The following SLC25A21 variants were observed in gnomAD, a reference collection of about 807,000 sequenced individuals.
The protein encoded by SLC25A21 is mitochondrial 2-oxodicarboxylate carrier.
In SLC25A21, 47 loss-of-function variants were observed where a neutral mutation model predicts 43.8. The observed-to-expected ratio is 1.07, with a 90% CI of 0.85 to 1.37. SLC25A21 has a LOEUF of 1.37. Ranked by LOEUF, SLC25A21 falls within the 40% of genes most tolerant of loss-of-function variation. The probability of loss-of-function intolerance (pLI) is 0.00; values close to 1 mark genes in which losing one functional copy is unlikely to be tolerated. For missense variants in SLC25A21, 352 were observed against 350.2 expected (o/e 1.00, Z -0.04); for synonymous variants, 131 against 121.3 (o/e 1.08, Z -0.52).
At chr14:37,136,775 T>C (rs1295904984) in intron 1 of SLC25A21, among the ~76,000 whole-genome samples, 1 of 152,120 alleles carries the variant, frequency 6.6e-6, no homozygotes, top group Non-Finnish European at 1.5e-5. Context: ...ACCATAAATG[T>C]ATATTGCTTG....
chr14:36,779,627 T>TATATATGTATACATACACAC (rs1886977015), intron 3 of SLC25A21, among the ~76,000 whole-genome samples: 1 of 143,036 alleles, frequency 7.0e-6, no homozygotes, highest in Non-Finnish European at 1.5e-5. Context: ...TATATATATA[T>TATATATGTATACATACACAC]ATATATATAT....
intron 1 of SLC25A21, among the ~76,000 whole-genome samples, chr14:37,066,220 T>C (rs867661207): frequency 5.9e-5 from 9 of 152,220 alleles, no homozygotes; most frequent in Middle Eastern, 3.4e-3. Context: ...AATCTAATCA[T>C]AAGGGAACAT....
intron 7 of SLC25A21, among the ~76,000 whole-genome samples, chr14:36,690,161 T>G (rs577162917): frequency 3.3e-5 from 5 of 152,330 alleles, no homozygotes; most frequent in Admixed American, 1.3e-4. Flanking sequence ...GCATTTCTGC[T>G]GATAACCATA....
At position 36,719,903 on chromosome 14, in the gene SLC25A21, G is replaced by A. The variant is rs556639059; in HGVS notation, c.438+5667C>T. ...AGCGTGCACAGTACCTGTCGTTCTT[G>A]ATGGGAACTCCACTTGCAGCTCCAG... On this transcript the variant is annotated intron_variant, in intron 6 of 9. Transcript: ENST00000331299. 1.4e-3 allele frequency among the ~76,000 whole-genome samples: 214 copies of A among 152,282 alleles called. 1 individual carries two copies. The highest frequency in any genetic ancestry group is 5.0e-3 in the African/African-American group (208 of 41,568).
chr14:37,085,366 C>A (rs1260541066), intron 1 of SLC25A21, among the ~76,000 whole-genome samples: 1 of 152,304 alleles, frequency 6.6e-6, no homozygotes, highest in Admixed American at 6.5e-5. Flanking sequence ...TTGCTCACCC[C>A]TGTATCCTCA....
intron 2 of SLC25A21, among the ~76,000 whole-genome samples, chr14:36,874,486 C>G (rs1259133865): frequency 1.3e-5 from 2 of 152,096 alleles, no homozygotes; most frequent in Non-Finnish European, 2.9e-5. Context: ...CTGCAGTTTC[C>G]TGAAAATATG....
At chr14:36,729,151 G>C (rs1396736852) in intron 5 of SLC25A21, among the ~76,000 whole-genome samples, 1 of 152,220 alleles carries the variant, frequency 6.6e-6, no homozygotes, top group Non-Finnish European at 1.5e-5. Flanking sequence ...AGCTGGAAAA[G>C]TGACCTGTTT....
In SLC25A21 at chr14:37,163,135, C is replaced by A. The variant is rs149274064; in HGVS notation, c.70+9146G>T. ...GAAGGGGAACATCACACTCTGGGGA[C>A]AGTTGTGGGGTGGGGGGATGGGGGA... On this transcript the variant is annotated intron_variant, in intron 1 of 9. Coordinates refer to ENST00000331299, the MANE Select transcript of SLC25A21 (RefSeq NM_030631.4). Among the ~76,000 whole-genome samples the A allele has an allele frequency of 1.1e-4, 14 of 132,260 alleles. No homozygotes were observed. In the East Asian group the frequency reaches 2.2e-3, roughly 21 times the overall value. The allele number at this position is 132,260 out of a possible 152,430, so 86.8% of individuals were successfully genotyped here. A position where few individuals can be genotyped will look rare whatever the true frequency, so the allele number is the denominator to read the frequency against.
At chr14:37,034,078 G>A (rs1257147706) in intron 1 of SLC25A21, among the ~76,000 whole-genome samples, 2 of 151,672 alleles carry the variant, frequency 1.3e-5, no homozygotes, top group Admixed American at 1.3e-4. Flanking sequence ...GTGCAGTGGC[G>A]CAATCTCGGC....
intron 3 of SLC25A21, among the ~76,000 whole-genome samples, chr14:36,748,750 A>G (rs1260570245): frequency 6.6e-6 from 1 of 152,150 alleles, no homozygotes; most frequent in Non-Finnish European, 1.5e-5. Context: ...CCATATGCTG[A>G]TAACTGTCAT....
intron 1 of SLC25A21, among the ~76,000 whole-genome samples, chr14:37,037,457 A>C (rs1257424132): frequency 6.6e-6 from 1 of 152,206 alleles, no homozygotes; most frequent in South Asian, 2.1e-4. Context: ...AAAGCTTAAC[A>C]TCACCAGGGT....
At chr14:37,157,829 T>C (rs1239368854) in intron 1 of SLC25A21, among the ~76,000 whole-genome samples, 3 of 152,048 alleles carry the variant, frequency 2.0e-5, no homozygotes, top group African/African-American at 7.2e-5. Flanking sequence ...ATAAATAAAA[T>C]TGATAAACCA....
Position 36,822,879 on chromosome 14 carries a change from T to C in SLC25A21, c.120-8878A>G, listed in dbSNP as rs1888684055. Among the ~76,000 whole-genome samples, 2 of 152,234 alleles carry C rather than the reference T, an allele frequency of 1.3e-5. 1 individual carries two copies. The highest frequency in any genetic ancestry group is 4.1e-4 in the South Asian group (2 of 4,828). The stretch of plus-strand genomic sequence containing the variant: ...AATTCAGTCTTACAGTACACTTAAA[T>C]ATCCTATAAATAGTTCATCATTTTG... On this transcript the variant is annotated intron_variant, in intron 2 of 9. Coordinates refer to ENST00000331299, the MANE Select transcript of SLC25A21 (RefSeq NM_030631.4).
intron 1 of SLC25A21, among the ~76,000 whole-genome samples, chr14:37,057,164 T>C (rs768721441): frequency 5.9e-5 from 9 of 152,232 alleles, no homozygotes; most frequent in Non-Finnish European, 1.2e-4. Context: ...ATGGCTACAA[T>C]AATCTCTGTT....
intron 1 of SLC25A21, among the ~76,000 whole-genome samples, chr14:36,972,809 C>T (rs1337904378): frequency 1.3e-5 from 2 of 151,794 alleles, no homozygotes; most frequent in African/African-American, 4.8e-5. Flanking sequence ...GAATGTGGAA[C>T]TTTTTTGTTT....
rs369299094 is a variant in SLC25A21, at chr14:36,805,243, G to T, written c.203+8675C>A. Among the ~76,000 whole-genome samples, 55 of 152,296 alleles carry T rather than the reference G, an allele frequency of 3.6e-4. No individual in the cohort carries two copies. In the South Asian group the frequency reaches 0.011, roughly 29 times the overall value. On this transcript the variant is annotated intron_variant, in intron 3 of 9. Coordinates refer to ENST00000331299, the MANE Select transcript of SLC25A21 (RefSeq NM_030631.4). ...CGTTTTCACTTACTCTTTGGCAACAGTTAAATCCTTGCCAAAGGCCAGTCA... is the reference window on the plus strand; with the variant it reads ...CGTTTTCACTTACTCTTTGGCAACATTTAAATCCTTGCCAAAGGCCAGTCA...
chr14:36,862,852 A>G (rs1466791664), intron 2 of SLC25A21, among the ~76,000 whole-genome samples: 1 of 152,198 alleles, frequency 6.6e-6, no homozygotes, highest in African/African-American at 2.4e-5. Flanking sequence ...TCTCACATCA[A>G]TTTATTTTAT....
At chr14:37,138,239 A>G (rs1413444831) in intron 1 of SLC25A21, among the ~76,000 whole-genome samples, 1 of 152,214 alleles carries the variant, frequency 6.6e-6, no homozygotes, top group Non-Finnish European at 1.5e-5. Context: ...GAGAAAGACA[A>G]TAAAAGATAC....
chr14:37,099,056 G>A (rs1225124858), intron 1 of SLC25A21, among the ~76,000 whole-genome samples: 1 of 152,020 alleles, frequency 6.6e-6, no homozygotes, highest in East Asian at 1.9e-4. Flanking sequence ...GCCTGCCTCG[G>A]CCTCCCAAAG....
Sources: gnomAD v4.1 joint callset for allele counts (sites outside exome capture counted in the v4.1 genomes callset) on GRCh38, gnomAD v4.1.1 for gene constraint, MANE v1.5 for transcripts, NCBI Gene and HGNC (gene_info 2026-07-23, HGNC 2026-07-21) for gene names.